Variants in TMEM45B observed in about 807,000 individuals in gnomAD.
TMEM45B encodes transmembrane protein 45B.
TMEM45B carries 29 observed loss-of-function variants against 27.3 expected under a neutral mutation model. The ratio of observed to expected loss-of-function variants is 1.06; its 90% CI spans 0.79 to 1.45. The LOEUF (loss-of-function observed/expected upper bound fraction) is 1.45, where lower values mean the gene tolerates loss of function less well. TMEM45B is among the 40% of genes most tolerant of loss of function. The pLI is 0.00. For missense variants in TMEM45B, 348 were observed against 343.9 expected (o/e 1.01, Z -0.09); for synonymous variants, 143 against 134.7 (o/e 1.06, Z -0.43).
At chr11:129,854,264 T>A (rs1947888836) in intron 2 of TMEM45B, among the ~76,000 whole-genome samples, 1 of 152,372 alleles carries the variant, frequency 6.6e-6, no homozygotes, top group Middle Eastern at 3.4e-3. Flanking sequence ...GAGATTATTC[T>A]ATCAGCCACA....
chr11:129,857,312 G>C lies in TMEM45B; in HGVS notation c.571-1G>C, dbSNP rs144786959. 6.2e-7 allele frequency: 1 copy of C among 1,614,090 alleles called. No individual in the cohort carries two copies. Among genetic ancestry groups the C allele is most frequent in the East Asian group, 2.2e-5 (1 of 44,880 alleles). On this transcript the variant is annotated splice_acceptor_variant, in intron 4 of 5. Transcript: ENST00000281441. LOFTEE classifies it high-confidence loss of function. ...ACCAACTTCTCTCTGTAATCCCCTAGATTGGGTTTGTGCTGTTCCCACCTT... is the reference window on the plus strand; with the variant it reads ...ACCAACTTCTCTCTGTAATCCCCTACATTGGGTTTGTGCTGTTCCCACCTT...
At chr11:129,832,511 G>A (rs779706558) in intron 1 of TMEM45B, among the ~76,000 whole-genome samples, 6 of 152,026 alleles carry the variant, frequency 3.9e-5, no homozygotes, top group Admixed American at 1.3e-4. Flanking sequence ...CCACAGAGAC[G>A]GAAAGCATAT....
At chr11:129,855,586 T>C in intron 3 of TMEM45B, 122 bp from the exon 4 acceptor site, 1 of 891,644 alleles carries the variant, frequency 1.1e-6, no homozygotes, top group Non-Finnish European at 1.8e-6. Context: ...GTTTGCTGCC[T>C]GTAATGTTAT....
At chr11:129,847,411 T>TA (rs869245445) in intron 1 of TMEM45B, among the ~76,000 whole-genome samples, 1 of 86,346 alleles carries the variant, frequency 1.2e-5, no homozygotes, top group African/African-American at 3.0e-5. Flanking sequence ...GAAGTTATTT[T>TA]TTTTTATTTT....
At chr11:129,847,261 C>A (rs752258330) in intron 1 of TMEM45B, among the ~76,000 whole-genome samples, 2 of 152,022 alleles carry the variant, frequency 1.3e-5, no homozygotes, top group Admixed American at 1.3e-4. Flanking sequence ...GAGGTAAATA[C>A]CGGAGGAAAC....
In TMEM45B at chr11:129,836,235, G is replaced by C. The variant is rs1947618251; in HGVS notation, c.-8-16240G>C. ...TTTAAACTAGAAATGTCTATGCTCTGCCTGTCCTGTTTGGGAAGCAGATAA... is the reference window on the plus strand; with the variant it reads ...TTTAAACTAGAAATGTCTATGCTCTCCCTGTCCTGTTTGGGAAGCAGATAA... On this transcript the variant is annotated intron_variant, in intron 1 of 5. Transcript: ENST00000281441. Among the ~76,000 whole-genome samples the C allele has an allele frequency of 2.0e-5, 3 of 152,016 alleles. No individual in the cohort carries two copies. In the South Asian group the frequency reaches 6.2e-4, roughly 32 times the overall value.
Position 129,857,420 on chromosome 11 carries a change from C to T in TMEM45B, c.678C>T (p.Ala226=), listed in dbSNP as rs990085105. 8 of 1,614,172 alleles carry T rather than the reference C, an allele frequency of 5.0e-6. No homozygotes were observed. The highest frequency in any genetic ancestry group is 6.8e-6 in the Non-Finnish European group (8 of 1,180,020). The part of the protein sequence containing the change: ...TMCFCWHYLA[A]LSIVAVNYSL... ...GCTTCTGCTGGCACTACCTGGCTGC[C>T]CTCAGCATTGTGGCCGTCAACTATT... Residue 226 remains alanine (A), a synonymous_variant, in exon 5 of 6, where the codon GCC becomes GCT. Transcript: ENST00000281441.
Position 129,851,845 on chromosome 11 carries a change from A to G in TMEM45B, c.-8-630A>G, listed in dbSNP as rs527844147. 1.1e-4 allele frequency among the ~76,000 whole-genome samples: 17 copies of G among 152,342 alleles called. No individual in the cohort carries two copies. In the South Asian group the frequency reaches 2.1e-3, roughly 19 times the overall value. ...TTACAAACTGTGAATCATATTGACC[A>G]GGTTCATTTGTACTAGACCACCACA... On this transcript the variant is annotated intron_variant, in intron 1 of 5. Transcript: ENST00000281441.
chr11:129,821,690 A>G (rs1485519324), intron 1 of TMEM45B, among the ~76,000 whole-genome samples: 1 of 152,090 alleles, frequency 6.6e-6, no homozygotes, highest in Non-Finnish European at 1.5e-5. Flanking sequence ...TTTTGAAAAC[A>G]TTGCTCTATT....
chr11:129,817,745 T>C (rs1947369555), intron 1 of TMEM45B, among the ~76,000 whole-genome samples: 1 of 152,220 alleles, frequency 6.6e-6, no homozygotes, highest in African/African-American at 2.4e-5. Context: ...ACCAGTTATT[T>C]CTGTTTCTCA....
In TMEM45B at chr11:129,837,585, C is replaced by CTTTTTTTTTTT. The variant is rs200040338; in HGVS notation, c.-8-14885_-8-14875dup. On this transcript the variant is annotated intron_variant, in intron 1 of 5. Coordinates refer to ENST00000281441, the MANE Select transcript of TMEM45B (RefSeq NM_138788.5). ...TACAGGCATGAGCCACTGCACTGGG[C>CTTTTTTTTTTT]TTTTTTTTTTTTTTTGAGACAGGGT... Among the ~76,000 whole-genome samples, 188 of 80,256 alleles carry CTTTTTTTTTTT rather than the reference C, an allele frequency of 2.3e-3. 34 individuals carry two copies. The highest frequency in any genetic ancestry group is 6.8e-3 in the African/African-American group (158 of 23,172). 52.7% of individuals were successfully genotyped at this position (80,256 alleles called of 152,430 possible).
intron 1 of TMEM45B, among the ~76,000 whole-genome samples, chr11:129,846,934 G>T (rs2135589549): frequency 6.6e-6 from 1 of 152,324 alleles, no homozygotes; most frequent in East Asian, 1.9e-4. Flanking sequence ...ATCCAGTGTG[G>T]CAGGGGATGA....
At chr11:129,857,644 G>A (rs775423116) in intron 5 of TMEM45B, among the ~76,000 whole-genome samples, 186 bp downstream of exon 5, 29 of 152,156 alleles carry the variant, frequency 1.9e-4, no homozygotes, top group Non-Finnish European at 3.8e-4. Flanking sequence ...TTAATGACCT[G>A]AGGGCTTTTC....
intron 1 of TMEM45B, among the ~76,000 whole-genome samples, chr11:129,831,126 A>G (rs188914694): frequency 1.1e-3 from 175 of 152,344 alleles, no homozygotes; most frequent in Middle Eastern, 3.4e-3. Context: ...CTGTATTAGA[A>G]CTATATGTGT....
chr11:129,842,896 A>G (rs540309253), intron 1 of TMEM45B, among the ~76,000 whole-genome samples: 6 of 152,368 alleles, frequency 3.9e-5, no homozygotes, highest in African/African-American at 1.2e-4. Context: ...CAAACCATAT[A>G]TGCAATAAGG....
chr11:129,841,320 C>T (rs979283996), intron 1 of TMEM45B, among the ~76,000 whole-genome samples: 8 of 152,176 alleles, frequency 5.3e-5, no homozygotes, highest in African/African-American at 1.7e-4. Context: ...TCCACAGCTT[C>T]GCTAGCTTGA....
rs1208962950 is a variant in TMEM45B, at chr11:129,857,432, G to A, written c.690G>A (p.Val230=). 6.2e-7 allele frequency: 1 copy of A among 1,614,146 alleles called. No individual in the cohort carries two copies. The highest frequency in any genetic ancestry group is 1.1e-5 in the South Asian group (1 of 91,086). Residue 230 remains valine (V), a synonymous_variant, in exon 5 of 6, where the codon GTG becomes GTA. Transcript: ENST00000281441. The stretch of plus-strand genomic sequence containing the variant: ...ACTACCTGGCTGCCCTCAGCATTGT[G>A]GCCGTCAACTATTCTCTTGTTTACT... The part of the protein sequence containing the change: ...CWHYLAALSI[V]AVNYSLVYCL...
Position 129,854,788 on chromosome 11 carries a change from G to A in TMEM45B, c.357G>A (p.Leu119=), listed in dbSNP as rs754004108. 4 of 1,614,064 alleles carry A rather than the reference G, an allele frequency of 2.5e-6. No homozygotes were observed. The highest frequency in any genetic ancestry group is 3.4e-6 in the Non-Finnish European group (4 of 1,180,040). ...ACGTTCCCTTGGGGGTGGACAGACT[G>A]GTTATGGCTGTGGCAGTATTCATGG... ...VSHVPLGVDR[L]VMAVAVFMEG... Residue 119 remains leucine (L), a synonymous_variant, in exon 3 of 6, where the codon CTG becomes CTA. Coordinates refer to ENST00000281441, the MANE Select transcript of TMEM45B (RefSeq NM_138788.5).
chr11:129,825,636 G>A (rs1319762476), intron 1 of TMEM45B, among the ~76,000 whole-genome samples: 1 of 152,136 alleles, frequency 6.6e-6, no homozygotes, highest in African/African-American at 2.4e-5. Context: ...GGAAGTAAGG[G>A]CTTATGCAAG....
Sources: gnomAD v4.1 joint callset for allele counts (sites outside exome capture counted in the v4.1 genomes callset) on GRCh38, gnomAD v4.1.1 for gene constraint, MANE v1.5 for transcripts, NCBI Gene and HGNC (gene_info 2026-07-23, HGNC 2026-07-21) for gene names.